GATAD2B: variants seen among roughly 807,000 people sequenced by gnomAD.
GATAD2B encodes GATA zinc finger domain containing 2B, also known as transcriptional repressor p66-beta.
In GATAD2B, 8 loss-of-function variants were observed where a neutral mutation model predicts 64.3. The observed-to-expected ratio is 0.12, with a 90% CI of 0.07 to 0.22. GATAD2B has a LOEUF of 0.22. Among genes scored for constraint, GATAD2B ranks in the 10% least tolerant of loss-of-function variants. The pLI is 1.00. For synonymous variants in GATAD2B, 281 were observed against 271.3 expected, an observed-to-expected ratio of 1.04 and a Z score of -0.35; for missense variants, 453 against 752.0, an observed-to-expected ratio of 0.60 and a Z score of 4.65.
intron 1 of GATAD2B, among the ~76,000 whole-genome samples, chr1:153,867,236 C>T (rs909303725): frequency 6.6e-6 from 1 of 152,154 alleles, no homozygotes; most frequent in Non-Finnish European, 1.5e-5. Flanking sequence ...CCAAAAGAAA[C>T]CACACTGATC....
intron 1 of GATAD2B, among the ~76,000 whole-genome samples, chr1:153,917,894 G>A (rs1678319663): frequency 6.6e-6 from 1 of 152,210 alleles, no homozygotes; most frequent in South Asian, 2.1e-4. Flanking sequence ...TGAGGGATGG[G>A]AACTGACAAT....
At position 153,842,000 on chromosome 1, in the gene GATAD2B, T is replaced by C. The variant is rs561060556; in HGVS notation, c.-1-13652A>G. 6.6e-5 allele frequency among the ~76,000 whole-genome samples: 10 copies of C among 152,304 alleles called. No homozygotes were observed. In the East Asian group the frequency reaches 1.7e-3, roughly 26 times the overall value. ...ATTTAATAGATGGGGTCTCACTATGTTACCCAGGCTGGAGTGCAGTGGCTA... is the reference window on the plus strand; with the variant it reads ...ATTTAATAGATGGGGTCTCACTATGCTACCCAGGCTGGAGTGCAGTGGCTA... On this transcript the variant is annotated intron_variant, in intron 1 of 10. Transcript: ENST00000368655.
At chr1:153,862,702 C>T (rs1297419033) in intron 1 of GATAD2B, among the ~76,000 whole-genome samples, 1 of 151,844 alleles carries the variant, frequency 6.6e-6, no homozygotes, top group Non-Finnish European at 1.5e-5. Context: ...TGCCACTGCG[C>T]CTGGCCAATC....
intron 1 of GATAD2B, among the ~76,000 whole-genome samples, chr1:153,862,566 A>G (rs1224549543): frequency 6.6e-6 from 1 of 152,132 alleles, no homozygotes; most frequent in Non-Finnish European, 1.5e-5. Flanking sequence ...GCCAGTTTCC[A>G]CACACAATCA....
At chr1:153,880,268 C>A (rs1372345748) in intron 1 of GATAD2B, among the ~76,000 whole-genome samples, 6 of 151,816 alleles carry the variant, frequency 4.0e-5, no homozygotes, top group Non-Finnish European at 1.5e-5. Flanking sequence ...TCGAGACCAG[C>A]CTGACCAACA....
intron 2 of GATAD2B, among the ~76,000 whole-genome samples, chr1:153,821,294 T>C (rs969652570): frequency 1.3e-5 from 2 of 152,072 alleles, no homozygotes; most frequent in Non-Finnish European, 2.9e-5. Context: ...AGGACATGGA[T>C]ACTTTTGAAC....
chr1:153,814,014 G>A (rs192639747), intron 7 of GATAD2B, among the ~76,000 whole-genome samples: 20 of 152,290 alleles, frequency 1.3e-4, no homozygotes, highest in Admixed American at 1.3e-3. Context: ...GCTTCTAACT[G>A]ATAAAGCTGG....
chr1:153,870,937 G>A (rs1477919857), intron 1 of GATAD2B, among the ~76,000 whole-genome samples: 2 of 152,152 alleles, frequency 1.3e-5, no homozygotes, highest in South Asian at 2.1e-4. Context: ...CCCCAAGACG[G>A]AGTCTTGCTC....
intron 1 of GATAD2B, among the ~76,000 whole-genome samples, chr1:153,892,131 C>CTCT (rs1677428536): frequency 7.1e-6 from 1 of 141,670 alleles, no homozygotes; most frequent in Non-Finnish European, 1.5e-5. Context: ...TTTCACTGCA[C>CTCT]TCTAGCCTGG....
chr1:153,812,885 C>A (rs560851236), intron 8 of GATAD2B, among the ~76,000 whole-genome samples: 1 of 152,300 alleles, frequency 6.6e-6, no homozygotes, highest in South Asian at 2.1e-4. Flanking sequence ...CTCTTTCTTT[C>A]GTCATTTCTT....
At chr1:153,858,037 AGAG>A (rs774707870) in intron 1 of GATAD2B, among the ~76,000 whole-genome samples, 19 of 152,176 alleles carry the variant, frequency 1.2e-4, no homozygotes, top group Non-Finnish European at 2.2e-4. Flanking sequence ...GCTCTCAAAT[AGAG>A]AAGAGGCCCA....
At chr1:153,839,790 T>C (rs1185590742) in intron 1 of GATAD2B, among the ~76,000 whole-genome samples, 3 of 151,914 alleles carry the variant, frequency 2.0e-5, no homozygotes, top group Admixed American at 2.0e-4. Flanking sequence ...ACTAACATGG[T>C]GAGACCCCAT....
At chr1:153,901,009 T>C (rs1677751376) in intron 1 of GATAD2B, among the ~76,000 whole-genome samples, 1 of 151,922 alleles carries the variant, frequency 6.6e-6, no homozygotes, top group African/African-American at 2.4e-5. Flanking sequence ...AGGTCACGAG[T>C]TCGAGACCAG....
chr1:153,814,774 G>A (rs1371240744), intron 7 of GATAD2B, among the ~76,000 whole-genome samples: 2 of 151,930 alleles, frequency 1.3e-5, no homozygotes, highest in Admixed American at 6.6e-5. Flanking sequence ...TCAGGAGTTC[G>A]AGACCAGCCT....
chr1:153,870,203 G>A (rs1191583161), intron 1 of GATAD2B, among the ~76,000 whole-genome samples: 1 of 151,912 alleles, frequency 6.6e-6, no homozygotes, highest in Non-Finnish European at 1.5e-5. Flanking sequence ...CACCTGCCTC[G>A]GCCTCCAAAG....
At chr1:153,871,344 C>T (rs893927723) in intron 1 of GATAD2B, among the ~76,000 whole-genome samples, 1 of 151,826 alleles carries the variant, frequency 6.6e-6, no homozygotes, top group African/African-American at 2.4e-5. Flanking sequence ...GGATTACAGG[C>T]GTGAGCGACC....
At chr1:153,827,178 C>T (rs1181083097) in intron 2 of GATAD2B, among the ~76,000 whole-genome samples, 2 of 148,778 alleles carry the variant, frequency 1.3e-5, no homozygotes, top group Non-Finnish European at 3.0e-5. Flanking sequence ...GGGGGAAGAT[C>T]GCTTGAATCC....
At chr1:153,862,318 TC>T (rs1199209514) in intron 1 of GATAD2B, among the ~76,000 whole-genome samples, 1 of 151,894 alleles carries the variant, frequency 6.6e-6, no homozygotes, top group Non-Finnish European at 1.5e-5. Context: ...AGACGGGGTT[TC>T]ACCATGTTGG....
At chr1:153,848,522 C>T (rs567697374) in intron 1 of GATAD2B, among the ~76,000 whole-genome samples, 14 of 152,272 alleles carry the variant, frequency 9.2e-5, no homozygotes, top group African/African-American at 3.1e-4. Context: ...CATCTTTCCA[C>T]CTTCTAACTG....
Sources: gnomAD v4.1 joint callset for allele counts (sites outside exome capture counted in the v4.1 genomes callset) on GRCh38, gnomAD v4.1.1 for gene constraint, MANE v1.5 for transcripts, NCBI Gene and HGNC (gene_info 2026-07-23, HGNC 2026-07-21) for gene names.